PWWP2A: variants seen among roughly 807,000 people sequenced by gnomAD.
PWWP2A encodes PWWP domain containing 2A.
A neutral mutation model predicts 48.5 loss-of-function variants in PWWP2A; 18 were observed. That is an observed-to-expected ratio of 0.37 (90% CI 0.26 to 0.55). PWWP2A has a LOEUF of 0.55. PWWP2A is among the 20% of genes least tolerant of loss of function. The probability of loss-of-function intolerance (pLI) is 0.81; values close to 1 mark genes in which losing one functional copy is unlikely to be tolerated. For synonymous variants in PWWP2A, 396 were observed against 387.7 expected (o/e 1.02, Z -0.25); for missense variants, 867 against 976.4 (o/e 0.89, Z 1.49).
intron 3 of PWWP2A, among the ~76,000 whole-genome samples, chr5:160,079,737 T>C (rs1754095594): frequency 6.6e-6 from 1 of 152,246 alleles, no homozygotes; most frequent in Admixed American, 6.5e-5. Context: ...CAGATCTTAC[T>C]ATTCCTATGA....
chr5:160,090,785 T>C, downstream of PWWP2A: 1 of 969,594 alleles, frequency 1.0e-6, no homozygotes, highest in Non-Finnish European at 1.2e-6. Context: ...TGAAATTAGA[T>C]ATCCAAAAGT....
intron 1 of PWWP2A, among the ~76,000 whole-genome samples, chr5:160,101,982 C>T (rs534607569): frequency 5.0e-4 from 76 of 150,804 alleles, no homozygotes; most frequent in South Asian, 3.4e-3. Context: ...TGGTGGCATG[C>T]GCCTGTAATC....
intron 1 of PWWP2A, among the ~76,000 whole-genome samples, chr5:160,095,462 A>G (rs1755537596): frequency 1.3e-5 from 2 of 152,180 alleles, no homozygotes; most frequent in Non-Finnish European, 2.9e-5. Context: ...TAATTTCAGC[A>G]TATAGGTTAG....
At chr5:160,065,811 AT>A (rs1461159342) in intron 4 of PWWP2A, among the ~76,000 whole-genome samples, 1 of 152,230 alleles carries the variant, frequency 6.6e-6, no homozygotes, top group East Asian at 1.9e-4. Context: ...AAATGTTAAT[AT>A]TTTTAACTTA....
chr5:160,106,713 A>C (rs957694817), intron 1 of PWWP2A, among the ~76,000 whole-genome samples: 1 of 152,076 alleles, frequency 6.6e-6, no homozygotes, highest in African/African-American at 2.4e-5. Context: ...TGCAAGACTA[A>C]TCACCAGCTC....
rs748083955 is a variant in PWWP2A at position 160,066,295 on chromosome 5, C to CTT, written c.*236+252_*236+253insAA. On this transcript the variant is annotated intron_variant and NMD_transcript_variant, in intron 4 of 5. Coordinates refer to the PWWP2A transcript ENST00000524050. ...CAGCATTATGCTAGAAAGTGGTTCT[C>CTT]ATTTTTTTTTTTTTTTTTTTGAGGG... is the stretch of plus-strand genomic sequence containing the variant. Among the ~76,000 whole-genome samples the CTT allele has an allele frequency of 4.3e-4, 25 of 57,982 alleles. No homozygotes were observed. In the East Asian group the frequency reaches 7.6e-3, roughly 18 times the overall value. 38.0% of individuals were successfully genotyped at this position (57,982 alleles called of 152,430 possible).
chr5:160,100,723 G>A (rs1237418655), intron 1 of PWWP2A, among the ~76,000 whole-genome samples: 1 of 152,236 alleles, frequency 6.6e-6, no homozygotes, highest in Non-Finnish European at 1.5e-5. Context: ...AGGTAAAACT[G>A]AAGCAAGCTT....
At chr5:160,095,037 G>A (rs1755470590) in intron 1 of PWWP2A, among the ~76,000 whole-genome samples, 1 of 78,026 alleles carries the variant, frequency 1.3e-5, no homozygotes, top group Non-Finnish European at 2.2e-5. Context: ...AACAGAGCAA[G>A]ACTCTGTCTC....
intron 2 of PWWP2A, among the ~76,000 whole-genome samples, chr5:160,068,095 C>T (rs540492693): frequency 1.5e-4 from 23 of 152,278 alleles, no homozygotes; most frequent in South Asian, 4.1e-4. Flanking sequence ...GCAGGAGAAT[C>T]GCTTGAACCC....
downstream of PWWP2A, among the ~76,000 whole-genome samples, chr5:160,072,760 T>C (rs543580148): frequency 6.6e-6 from 1 of 150,444 alleles, no homozygotes; most frequent in East Asian, 2.0e-4. Context: ...AAAACAAAAA[T>C]TAGCCAGGTG....
chr5:160,095,621 G>A (rs1476026814), intron 1 of PWWP2A, among the ~76,000 whole-genome samples: 1 of 150,806 alleles, frequency 6.6e-6, no homozygotes, highest in African/African-American at 2.4e-5. Flanking sequence ...CTAGATGCCA[G>A]TGTTTTATAT....
chr5:160,089,988 AC>A, downstream of PWWP2A: 2 of 984,844 alleles, frequency 2.0e-6, no homozygotes, highest in South Asian at 9.4e-5. Context: ...AGTTTAGAAT[AC>A]ACATTTAAGA....
At chr5:160,108,541 T>TCA (rs1466504485) in intron 1 of PWWP2A, 1 of 1,276,090 alleles carries the variant, frequency 7.8e-7, no homozygotes, top group Non-Finnish European at 1.0e-6. Flanking sequence ...ATACCACTAC[T>TCA]CACTGCTTCA....
chr5:160,086,441 C>T (rs147510067), downstream of PWWP2A, among the ~76,000 whole-genome samples: 401 of 152,176 alleles, frequency 2.6e-3, 1 homozygote, highest in African/African-American at 9.1e-3. Flanking sequence ...CGCCTGAGCC[C>T]AGGAGGTCAA....
intron 2 of PWWP2A, among the ~76,000 whole-genome samples, chr5:160,070,108 C>A (rs1396147163): frequency 2.0e-5 from 3 of 152,108 alleles, no homozygotes; most frequent in Non-Finnish European, 2.9e-5. Flanking sequence ...ACTGTGGATT[C>A]ATTCTTTCAT....
At chr5:160,086,329 G>C (rs1265983174) in intron 2 of PWWP2A, among the ~76,000 whole-genome samples, 18 of 151,776 alleles carry the variant, frequency 1.2e-4, no homozygotes, top group Non-Finnish European at 4.4e-5. Context: ...GACCAGCCTG[G>C]GCAACATAGT....
downstream of PWWP2A, among the ~76,000 whole-genome samples, chr5:160,058,573 G>A (rs1022097781): frequency 1.3e-5 from 2 of 151,952 alleles, no homozygotes; most frequent in African/African-American, 4.8e-5. Context: ...ACCAAGCCCG[G>A]CTAATTTTTT....
chr5:160,065,056 T>C, intron 4 of PWWP2A: 1 of 1,609,922 alleles, frequency 6.2e-7, no homozygotes, highest in Non-Finnish European at 8.5e-7. Context: ...ATCCAAATAA[T>C]AACAGATAAC....
At chr5:160,099,794 TG>T (rs923838792) in intron 1 of PWWP2A, among the ~76,000 whole-genome samples, 1 of 151,952 alleles carries the variant, frequency 6.6e-6, no homozygotes, top group Admixed American at 6.5e-5. Flanking sequence ...TCTCATGCCT[TG>T]GCCTCCCAAG....
Sources: allele counts gnomAD v4.1 joint callset (sites outside exome capture counted in the v4.1 genomes callset), GRCh38; gene constraint gnomAD v4.1.1; transcripts MANE v1.5; gene names NCBI Gene and HGNC (gene_info 2026-07-23, HGNC 2026-07-21).